The following CNTNAP5 variants were observed in gnomAD, a reference collection of about 807,000 sequenced individuals.
The protein encoded by CNTNAP5 is contactin associated protein family member 5.
Under a neutral mutation model 150.2 loss-of-function variants are expected in CNTNAP5, and 72 were observed. The ratio of observed to expected loss-of-function variants is 0.48; its 90% CI spans 0.40 to 0.58. The LOEUF (loss-of-function observed/expected upper bound fraction) is 0.58, where lower values mean the gene tolerates loss of function less well. Among genes scored for constraint, CNTNAP5 ranks in the 20% least tolerant of loss-of-function variants. The pLI is 0.00. For synonymous variants in CNTNAP5, 672 were observed against 619.8 expected (o/e 1.08, Z -1.25); for missense variants, 1,636 against 1,626.2 (o/e 1.01, Z -0.10).
chr2:124,528,488 A>G (rs1695028098), intron 10 of CNTNAP5, among the ~76,000 whole-genome samples: 1 of 152,220 alleles, frequency 6.6e-6, no homozygotes, highest in South Asian at 2.1e-4. Context: ...CAAGTATTTC[A>G]TCAATTCAAA....
rs578206017 is a variant in CNTNAP5 at position 124,047,870 on chromosome 2, C to G, written c.82+22138C>G. ...TACCTGCCTTCATGCCACTTAGACC[C>G]AGGATCAGGGAAGCCCAGAGCATTG... On this transcript the variant is annotated intron_variant, in intron 1 of 23. Transcript: ENST00000682447. 2.8e-4 allele frequency among the ~76,000 whole-genome samples: 42 copies of G among 152,282 alleles called. 1 individual carries two copies. The highest frequency in any genetic ancestry group is 1.2e-4 in the Non-Finnish European group (8 of 68,022).
Position 124,419,152 on chromosome 2 carries a change from A to AAAAAAAAAAAAAAC in CNTNAP5, c.529+1573_529+1574insAACAAAAAAAAAAA, listed in dbSNP as rs772412223. Among the ~76,000 whole-genome samples, 136 of 120,990 alleles carry AAAAAAAAAAAAAAC rather than the reference A, an allele frequency of 1.1e-3. 5 individuals carry two copies. The highest frequency in any genetic ancestry group is 1.8e-3 in the Non-Finnish European group (99 of 54,872). 79.4% of individuals were successfully genotyped at this position (120,990 alleles called of 152,430 possible). Reference sequence around the variant, plus strand: ...CGAGACTCCTTCTCAAAAAAAAAAAAAAAAAAAAAAACAGTATGAAGCTTT... The same window carrying AAAAAAAAAAAAAAC: ...CGAGACTCCTTCTCAAAAAAAAAAAAAAAAAAAAAAAAACAAAAAAAAAAACAGTATGAAGCTTT... On this transcript the variant is annotated intron_variant, in intron 4 of 23. Transcript: ENST00000682447.
chr2:124,593,338 A>C, intron 11 of CNTNAP5, among the ~76,000 whole-genome samples: 1 of 113,066 alleles, frequency 8.8e-6, no homozygotes, highest in Non-Finnish European at 1.8e-5. Context: ...TCCTGTGTCC[A>C]TGTGATCTCA....
intron 12 of CNTNAP5, among the ~76,000 whole-genome samples, chr2:124,625,007 G>A (rs566944183): frequency 1.3e-5 from 2 of 152,262 alleles, no homozygotes; most frequent in Non-Finnish European, 2.9e-5. Context: ...AGGAGCAAAC[G>A]GTAAAGCCAG....
chr2:124,116,823 C>T (rs1452143604), intron 1 of CNTNAP5, among the ~76,000 whole-genome samples: 1 of 152,122 alleles, frequency 6.6e-6, no homozygotes, highest in African/African-American at 2.4e-5. Context: ...TTTTGGAGGC[C>T]ACCTTTCAGA....
chr2:124,749,663 C>T (rs1680682727), intron 14 of CNTNAP5, among the ~76,000 whole-genome samples: 1 of 152,166 alleles, frequency 6.6e-6, no homozygotes, highest in African/African-American at 2.4e-5. Flanking sequence ...ATTCTCCTGC[C>T]TCGACCTCCC....
chr2:124,911,469 C>A lies in CNTNAP5; in HGVS notation c.3658C>A (p.Pro1220Thr). 1 of 1,594,660 alleles carries A rather than the reference C, an allele frequency of 6.3e-7. No individual in the cohort carries two copies. The highest frequency in any genetic ancestry group is 1.7e-4 in the Middle Eastern group (1 of 6,034). ...CCCATGTCTTTTACTCCTTTCAGAT[C>A]CTTTTGGGAAGACAGATGAGCGGGA... is the stretch of plus-strand genomic sequence containing the variant. Reference protein sequence around the residue: ...AVTTVHSSSDPFGKTDEREPL... With the variant: ...AVTTVHSSSDTFGKTDEREPL... The change falls in exon 23 of 24, where the codon CCT becomes ACT. Residue 1220 changes from proline to threonine, a missense_variant and splice_region_variant. By Grantham distance (38) the Pro-to-Thr change is conservative (BLOSUM62 -1). Coordinates refer to ENST00000682447, the MANE Select transcript of CNTNAP5 (RefSeq NM_001367498.1).
intron 6 of CNTNAP5, among the ~76,000 whole-genome samples, chr2:124,452,769 A>C (rs2104812412): frequency 6.6e-6 from 1 of 152,244 alleles, no homozygotes; most frequent in East Asian, 1.9e-4. Context: ...GATCCAGAAG[A>C]GAGACAACAA....
At chr2:124,367,489 C>G (rs1314370375) in intron 3 of CNTNAP5, among the ~76,000 whole-genome samples, 1 of 152,132 alleles carries the variant, frequency 6.6e-6, no homozygotes, top group Non-Finnish European at 1.5e-5. Flanking sequence ...TCAATTACCT[C>G]CCACTGGGTC....
chr2:124,245,023 GATTT>G (rs1289484161), intron 3 of CNTNAP5, among the ~76,000 whole-genome samples: 2 of 152,052 alleles, frequency 1.3e-5, no homozygotes, highest in African/African-American at 2.4e-5. Context: ...TTAGTACACT[GATTT>G]ATTTTTTATT....
At chr2:124,631,983 T>G (rs1342506521) in intron 12 of CNTNAP5, among the ~76,000 whole-genome samples, 2 of 151,998 alleles carry the variant, frequency 1.3e-5, no homozygotes, top group Non-Finnish European at 2.9e-5. Flanking sequence ...CACTGATCAT[T>G]AGAGAAATAC....
chr2:124,579,740 T>C (rs532837106), intron 11 of CNTNAP5, among the ~76,000 whole-genome samples: 2 of 152,350 alleles, frequency 1.3e-5, no homozygotes, highest in South Asian at 2.1e-4. Flanking sequence ...CACCATAACC[T>C]GTGAATAACA....
At chr2:124,217,467 T>C (rs1314104727) in intron 1 of CNTNAP5, among the ~76,000 whole-genome samples, 2 of 152,154 alleles carry the variant, frequency 1.3e-5, no homozygotes, top group Non-Finnish European at 2.9e-5. Context: ...ACATGTTCTT[T>C]CCTTGCTCCC....
intron 13 of CNTNAP5, among the ~76,000 whole-genome samples, chr2:124,717,433 C>T (rs1679967649): frequency 6.6e-6 from 1 of 152,206 alleles, no homozygotes; most frequent in African/African-American, 2.4e-5. Context: ...TGCCTAGAGG[C>T]ATTCAATAAA....
chr2:124,808,579 C>CTTGG (rs1558784011), intron 19 of CNTNAP5, among the ~76,000 whole-genome samples: 1 of 145,204 alleles, frequency 6.9e-6, no homozygotes, highest in East Asian at 2.0e-4. Flanking sequence ...CAGAGAGAGA[C>CTTGG]TTGGTCCAAA....
intron 12 of CNTNAP5, among the ~76,000 whole-genome samples, chr2:124,619,844 TATA>T (rs1337149122): frequency 1.7e-3 from 4 of 2,286 alleles, no homozygotes; most frequent in African/African-American, 1.9e-3. Context: ...GTCTCATTCA[TATA>T]TATATATATA....
chr2:124,376,262 C>G (rs1359029971), intron 3 of CNTNAP5, among the ~76,000 whole-genome samples: 1 of 152,042 alleles, frequency 6.6e-6, no homozygotes, highest in Non-Finnish European at 1.5e-5. Flanking sequence ...TAATTAAGCT[C>G]TCTTTATTGA....
At chr2:124,179,575 C>T (rs1685161023) in intron 1 of CNTNAP5, among the ~76,000 whole-genome samples, 2 of 152,132 alleles carry the variant, frequency 1.3e-5, no homozygotes, top group Non-Finnish European at 2.9e-5. Context: ...AAAGTTAGAG[C>T]TTTTTCTTAG....
chr2:124,600,652 A>T (rs1042123271), intron 11 of CNTNAP5, among the ~76,000 whole-genome samples: 1 of 151,850 alleles, frequency 6.6e-6, no homozygotes, highest in Non-Finnish European at 1.5e-5. Flanking sequence ...CACAACTCGA[A>T]TCCACCACAA....
Sources: gnomAD v4.1 joint callset for allele counts (sites outside exome capture counted in the v4.1 genomes callset) on GRCh38, gnomAD v4.1.1 for gene constraint, MANE v1.5 for transcripts, NCBI Gene and HGNC (gene_info 2026-07-23, HGNC 2026-07-21) for gene names.